HSPA6: variants seen among roughly 807,000 people sequenced by gnomAD.
The protein encoded by HSPA6 is heat shock 70 kDa protein 6.
For missense variants in HSPA6, 718 were observed against 860.9 expected (o/e 0.83, Z 2.08); for synonymous variants, 312 against 368.2 (o/e 0.85, Z 1.75).
At position 161,525,024 on chromosome 1, in the gene HSPA6, G is replaced by T. The variant is rs1163419545; in HGVS notation, c.366G>T (p.Ser122=). The T allele has an allele frequency of 6.2e-7, 1 of 1,612,680 alleles. No individual in the cohort carries two copies. The highest frequency in any genetic ancestry group is 8.5e-7 in the Non-Finnish European group (1 of 1,179,778). Residue 122 remains serine, a synonymous_variant, in exon 1 of 1, where the codon TCG becomes TCT. Transcript: ENST00000309758. ...AGACGTTCTACCCCGAGGAGATCTC[G>T]TCCATGGTGCTGAGCAAGATGAAGG... ...EDKTFYPEEI[S]SMVLSKMKET...
rs1676715507 is a variant in HSPA6 at position 161,526,755 on chromosome 1, A to C, written c.*165A>C. ...TGACTTTTTGCGGGGAGGGCGGTTC[A>C]TCCTCTTCTGCTTCAAATAAAAAGT... On this transcript the variant is annotated 3_prime_UTR_variant, in exon 1 of 1. Coordinates refer to ENST00000309758, the MANE Select transcript of HSPA6 (RefSeq NM_002155.5). 2.8e-5 allele frequency: 16 copies of C among 564,416 alleles called. No individual in the cohort carries two copies. The South Asian group carries it at 6.0e-4, about 21-fold the overall frequency. 35.0% of individuals were successfully genotyped at this position (564,416 alleles called of 1,614,324 possible).
chr1:161,525,224 G>C lies in HSPA6; in HGVS notation c.566G>C (p.Arg189Pro), dbSNP rs1057428989. 5 of 1,613,992 alleles carry C rather than the reference G, an allele frequency of 3.1e-6. No individual in the cohort carries two copies. In the East Asian group the frequency reaches 1.1e-4, roughly 36 times the overall value. The change falls in exon 1 of 1, where the codon CGG becomes CCG. Residue 189 changes from arginine to proline, a missense_variant. Arg to Pro is a moderately radical substitution (Grantham distance 103, BLOSUM62 -2). Transcript: ENST00000309758. ...TAAAIAYGLD[R>P]RGAGERNVLI... ...GCTGCCATCGCCTATGGGCTGGACC[G>C]GCGGGGCGCGGGAGAGCGCAACGTG...
In HSPA6 at chr1:161,524,985, C is replaced by A; in HGVS notation, c.327C>A (p.Tyr109Ter). Residue 109 changes from tyrosine to a stop codon, truncating the protein, a stop_gained, in exon 1 of 1, where the codon TAC becomes TAA. Transcript: ENST00000309758. LOFTEE classifies it low-confidence loss of function (END_TRUNC). ...EGGKPKVRVC[Y>*]RGEDKTFYPE... ...GCAAGCCCAAGGTGCGCGTATGCTA[C>A]CGCGGGGAGGACAAGACGTTCTACC... 6.2e-7 allele frequency: 1 copy of A among 1,613,430 alleles called. No individual in the cohort carries two copies. The highest frequency in any genetic ancestry group is 8.5e-7 in the Non-Finnish European group (1 of 1,179,924).
chr1:161,526,697 T>C lies in HSPA6; in HGVS notation c.*107T>C. ...CAGAGATGAACTTTCCCTCCAAAGCTAGAACTTTCTTCCCAGGATAACTGA... is the reference window on the plus strand; with the variant it reads ...CAGAGATGAACTTTCCCTCCAAAGCCAGAACTTTCTTCCCAGGATAACTGA... On this transcript the variant is annotated 3_prime_UTR_variant, in exon 1 of 1. Coordinates refer to ENST00000309758, the MANE Select transcript of HSPA6 (RefSeq NM_002155.5). The C allele has an allele frequency of 1.6e-6, 2 of 1,237,830 alleles. No homozygotes were observed. The highest frequency in any genetic ancestry group is 5.2e-5 in the East Asian group (2 of 38,590). The allele number at this position is 1,237,830 out of a possible 1,614,324, so 76.7% of individuals were successfully genotyped here. A position where few individuals can be genotyped will look rare whatever the true frequency, so the allele number is the denominator to read the frequency against.
In HSPA6 at chr1:161,525,806, T is replaced by G. The variant is rs368785490; in HGVS notation, c.1148T>G (p.Met383Arg). 1 of 1,598,376 alleles carries G rather than the reference T, an allele frequency of 6.3e-7. No individual in the cohort carries two copies. Residue 383 changes from methionine (M) to arginine (R), a missense_variant, in exon 1 of 1, where the codon ATG becomes AGG. Transcript: ENST00000309758. Reference protein sequence around the residue: ...YGAAVQAAVLMGDKCEKVQDL... With the variant: ...YGAAVQAAVLRGDKCEKVQDL... ...GCTGCTGTGCAGGCGGCCGTGTTGA[T>G]GGGGGACAAATGTGAGAAAGTGCAG...
rs1381208538 is a variant in HSPA6 at position 161,526,337 on chromosome 1, T to A, written c.1679T>A (p.Leu560His). Residue 560 changes from leucine to histidine, a missense_variant, in exon 1 of 1, where the codon CTT (leucine) becomes CAT (histidine). By Grantham distance (99) the Leu-to-His change is moderately conservative. Coordinates refer to ENST00000309758, the MANE Select transcript of HSPA6 (RefSeq NM_002155.5). Reference protein sequence around the residue: ...HVKGSLQEESLRDKIPEEDRR... With the variant: ...HVKGSLQEESHRDKIPEEDRR... ...AAAGGTTCTTTGCAAGAGGAAAGCCTTAGGGACAAGATTCCCGAAGAGGAC... is the reference window on the plus strand; with the variant it reads ...AAAGGTTCTTTGCAAGAGGAAAGCCATAGGGACAAGATTCCCGAAGAGGAC... 6.2e-7 allele frequency: 1 copy of A among 1,605,358 alleles called. No homozygotes were observed. The highest frequency in any genetic ancestry group is 2.2e-5 in the East Asian group (1 of 44,520).
In HSPA6 at chr1:161,525,464, G is replaced by T; in HGVS notation, c.806G>T (p.Cys269Phe). Reference protein sequence around the residue: ...KRALRRLRTACERAKRTLSSS... With the variant: ...KRALRRLRTAFERAKRTLSSS... ...GCCCTGCGCAGGCTGCGCACAGCCTGTGAGCGCGCCAAGCGCACCCTGTCC... is the reference window on the plus strand; with the variant it reads ...GCCCTGCGCAGGCTGCGCACAGCCTTTGAGCGCGCCAAGCGCACCCTGTCC... The change falls in exon 1 of 1, where the codon TGT (cysteine) becomes TTT (phenylalanine). Residue 269 changes from cysteine (C) to phenylalanine (F), a missense_variant. Transcript: ENST00000309758. 1 of 1,613,198 alleles carries T rather than the reference G, an allele frequency of 6.2e-7. No homozygotes were observed. The highest frequency in any genetic ancestry group is 8.5e-7 in the Non-Finnish European group (1 of 1,179,584).
chr1:161,525,103 C>T lies in HSPA6; in HGVS notation c.445C>T (p.Pro149Ser). Residue 149 changes from proline to serine, a missense_variant, in exon 1 of 1, where the codon CCC (proline) becomes TCC (serine). Coordinates refer to ENST00000309758, the MANE Select transcript of HSPA6 (RefSeq NM_002155.5). The part of the protein sequence containing the change: ...QPVKHAVITV[P>S]AYFNDSQRQA... ...CGTGAAGCACGCAGTGATCACCGTG[C>T]CCGCCTATTTCAATGACTCGCAGCG... The T allele has an allele frequency of 1.2e-6, 2 of 1,613,694 alleles. No individual in the cohort carries two copies. Among genetic ancestry groups the T allele is most frequent in the Non-Finnish European group, 1.7e-6 (2 of 1,179,946 alleles).
In HSPA6 at chr1:161,525,087, C is replaced by A; in HGVS notation, c.429C>A (p.His143Gln). Residue 143 changes from histidine (H) to glutamine (Q), a missense_variant, in exon 1 of 1, where the codon CAC (histidine) becomes CAA (glutamine). Physicochemically the swap from His to Gln is conservative, Grantham distance 24. Coordinates refer to ENST00000309758, the MANE Select transcript of HSPA6 (RefSeq NM_002155.5). ...AEAYLGQPVK[H>Q]AVITVPAYFN... The stretch of plus-strand genomic sequence containing the variant: ...CGTACCTGGGCCAGCCCGTGAAGCA[C>A]GCAGTGATCACCGTGCCCGCCTATT... 4 of 1,613,538 alleles carry A rather than the reference C, an allele frequency of 2.5e-6. No homozygotes were observed. The highest frequency in any genetic ancestry group is 3.4e-6 in the Non-Finnish European group (4 of 1,179,942).
rs138613886 is a variant in HSPA6 at position 161,525,470 on chromosome 1, G to A, written c.812G>A (p.Arg271His). The A allele has an allele frequency of 5.4e-5, 87 of 1,613,328 alleles. 1 individual carries two copies. The African/African-American group carries it at 8.1e-4, about 15-fold the overall frequency. Residue 271 changes from arginine (R) to histidine (H), a missense_variant, in exon 1 of 1, where the codon CGC (arginine) becomes CAC (histidine). Transcript: ENST00000309758. ...CGCAGGCTGCGCACAGCCTGTGAGC[G>A]CGCCAAGCGCACCCTGTCCTCCAGC... ...ALRRLRTACE[R>H]AKRTLSSSTQ... is the part of the protein sequence containing the mutation.
rs1395486591 is a variant in HSPA6, at chr1:161,526,454, G to A, written c.1796G>A (p.Arg599Lys). The change falls in exon 1 of 1, where the codon AGG becomes AAG. Residue 599 changes from arginine (R) to lysine (K), a missense_variant. Coordinates refer to ENST00000309758, the MANE Select transcript of HSPA6 (RefSeq NM_002155.5). ...AAGGAGGAGTATGAGCATCAGAAGAGGGAGCTGGAGCAAATCTGTCGCCCC... is the reference window on the plus strand; with the variant it reads ...AAGGAGGAGTATGAGCATCAGAAGAAGGAGCTGGAGCAAATCTGTCGCCCC... Reference protein sequence around the residue: ...AEKEEYEHQKRELEQICRPIF... With the variant: ...AEKEEYEHQKKELEQICRPIF... 3 of 1,579,126 alleles carry A rather than the reference G, an allele frequency of 1.9e-6. No individual in the cohort carries two copies. Among genetic ancestry groups the A allele is most frequent in the Non-Finnish European group, 2.6e-6 (3 of 1,161,484 alleles).
chr1:161,526,696 C>G lies in HSPA6; in HGVS notation c.*106C>G. ...TCAGAGATGAACTTTCCCTCCAAAG[C>G]TAGAACTTTCTTCCCAGGATAACTG... On this transcript the variant is annotated 3_prime_UTR_variant, in exon 1 of 1. Transcript: ENST00000309758. The G allele has an allele frequency of 1.6e-6, 2 of 1,238,420 alleles. No homozygotes were observed. The highest frequency in any genetic ancestry group is 1.1e-6 in the Non-Finnish European group (1 of 929,140). 76.7% of individuals were successfully genotyped at this position (1,238,420 alleles called of 1,614,324 possible).
In HSPA6 at chr1:161,525,387, C is replaced by T; in HGVS notation, c.729C>T (p.Phe243=). 3.7e-6 allele frequency: 6 copies of T among 1,611,684 alleles called. No homozygotes were observed. The highest frequency in any genetic ancestry group is 5.1e-6 in the Non-Finnish European group (6 of 1,178,860). Residue 243 remains phenylalanine, a synonymous_variant, in exon 1 of 1, where the codon TTC becomes TTT. Coordinates refer to ENST00000309758, the MANE Select transcript of HSPA6 (RefSeq NM_002155.5). The part of the protein sequence containing the change: ...EDFDNRLVNH[F]MEEFRRKHGK... ...TCGACAACCGGCTCGTGAACCACTT[C>T]ATGGAAGAATTCCGGCGGAAGCATG...
rs760608205 is a variant in HSPA6, at chr1:161,525,342, C to T, written c.684C>T (p.Thr228=). ...VFEVKATAGD[T]HLGGEDFDNR... Reference sequence around the variant, plus strand: ...AGGTGAAAGCCACTGCTGGAGATACCCACCTGGGAGGAGAGGACTTCGACA... The same window carrying T: ...AGGTGAAAGCCACTGCTGGAGATACTCACCTGGGAGGAGAGGACTTCGACA... The change falls in exon 1 of 1, where the codon ACC becomes ACT. Residue 228 remains threonine, a synonymous_variant. Coordinates refer to ENST00000309758, the MANE Select transcript of HSPA6 (RefSeq NM_002155.5). The T allele has an allele frequency of 5.0e-6, 8 of 1,613,786 alleles. No homozygotes were observed. In the South Asian group the frequency reaches 7.7e-5, roughly 16 times the overall value.
rs777795960 is a variant in HSPA6 at position 161,525,205 on chromosome 1, A to G, written c.547A>G (p.Ile183Val). ...CATCAATGAGCCCACGGCAGCTGCC[A>G]TCGCCTATGGGCTGGACCGGCGGGG... The part of the protein sequence containing the change: ...RIINEPTAAA[I>V]AYGLDRRGAG... Residue 183 changes from isoleucine (I) to valine (V), a missense_variant, in exon 1 of 1, where the codon ATC becomes GTC. Physicochemically the swap from Ile to Val is conservative, Grantham distance 29. Coordinates refer to ENST00000309758, the MANE Select transcript of HSPA6 (RefSeq NM_002155.5). 5 of 1,614,018 alleles carry G rather than the reference A, an allele frequency of 3.1e-6. No homozygotes were observed. The highest frequency in any genetic ancestry group is 4.5e-5 in the East Asian group (2 of 44,882).
Position 161,525,038 on chromosome 1 carries a change from G to A in HSPA6, c.380G>A (p.Ser127Asn), listed in dbSNP as rs751170403. The change falls in exon 1 of 1, where the codon AGC (serine) becomes AAC (asparagine). Residue 127 changes from serine to asparagine, a missense_variant. Transcript: ENST00000309758. Reference protein sequence around the residue: ...YPEEISSMVLSKMKETAEAYL... With the variant: ...YPEEISSMVLNKMKETAEAYL... ...GAGGAGATCTCGTCCATGGTGCTGA[G>A]CAAGATGAAGGAGACGGCCGAGGCG... is the stretch of plus-strand genomic sequence containing the variant. The A allele has an allele frequency of 2.5e-6, 4 of 1,612,898 alleles. No homozygotes were observed. Among genetic ancestry groups the A allele is most frequent in the Non-Finnish European group, 3.4e-6 (4 of 1,179,766 alleles).
At position 161,525,672 on chromosome 1, in the gene HSPA6, G is replaced by T. The variant is rs1457785405; in HGVS notation, c.1014G>T (p.Leu338=). The T allele has an allele frequency of 3.7e-6, 6 of 1,613,998 alleles. No individual in the cohort carries two copies. The highest frequency in any genetic ancestry group is 1.1e-5 in the South Asian group (1 of 91,056). Residue 338 remains leucine, a synonymous_variant, in exon 1 of 1, where the codon CTG becomes CTT. Transcript: ENST00000309758. The stretch of plus-strand genomic sequence containing the variant: ...AGGCCCAGATTCATGACGTCGTCCT[G>T]GTGGGGGGCTCCACACGCATCCCCA... ...LDKAQIHDVV[L]VGGSTRIPKV...
Position 161,526,695 on chromosome 1 carries a change from G to A in HSPA6, c.*105G>A. 6 of 1,264,068 alleles carry A rather than the reference G, an allele frequency of 4.7e-6. No homozygotes were observed. Among genetic ancestry groups the A allele is most frequent in the East Asian group, 5.1e-5 (2 of 38,926 alleles). The allele number at this position is 1,264,068 out of a possible 1,614,324, so 78.3% of individuals were successfully genotyped here. ...TTCAGAGATGAACTTTCCCTCCAAA[G>A]CTAGAACTTTCTTCCCAGGATAACT... On this transcript the variant is annotated 3_prime_UTR_variant, in exon 1 of 1. Coordinates refer to ENST00000309758, the MANE Select transcript of HSPA6 (RefSeq NM_002155.5).
In HSPA6 at chr1:161,525,027, C is replaced by T. The variant is rs1676635154; in HGVS notation, c.369C>T (p.Ser123=). 3.1e-6 allele frequency: 5 copies of T among 1,612,832 alleles called. No individual in the cohort carries two copies. The highest frequency in any genetic ancestry group is 3.4e-6 in the Non-Finnish European group (4 of 1,179,788). The change falls in exon 1 of 1, where the codon TCC becomes TCT. Residue 123 remains serine (S), a synonymous_variant. Coordinates refer to ENST00000309758, the MANE Select transcript of HSPA6 (RefSeq NM_002155.5). The stretch of plus-strand genomic sequence containing the variant: ...CGTTCTACCCCGAGGAGATCTCGTC[C>T]ATGGTGCTGAGCAAGATGAAGGAGA... ...DKTFYPEEIS[S]MVLSKMKETA...
Sources: gnomAD v4.1 joint callset for allele counts on GRCh38, gnomAD v4.1.1 for gene constraint, MANE v1.5 for transcripts, NCBI Gene and HGNC (gene_info 2026-07-23, HGNC 2026-07-21) for gene names.